Variants in DOK6 observed in about 807,000 individuals in gnomAD.
DOK6 encodes downstream of tyrosine kinase 6.
Under a neutral mutation model 44.0 loss-of-function variants are expected in DOK6, and 22 were observed. That is an observed-to-expected ratio of 0.50 (90% CI 0.36 to 0.71). DOK6 has a LOEUF of 0.71. Among genes scored for constraint, DOK6 ranks in the 30% least tolerant of loss-of-function variants. DOK6 has a pLI of 0.00. For missense variants in DOK6, 340 were observed against 416.4 expected, an observed-to-expected ratio of 0.82 and a Z score of 1.60; for synonymous variants, 166 against 145.5, an observed-to-expected ratio of 1.14 and a Z score of -1.01.
At chr18:69,787,319 T>C (rs1980461977) in intron 7 of DOK6, among the ~76,000 whole-genome samples, 1 of 152,192 alleles carries the variant, frequency 6.6e-6, no homozygotes, top group South Asian at 2.1e-4. Context: ...GTCATAATTA[T>C]GTGTCTTTGT....
intron 7 of DOK6, among the ~76,000 whole-genome samples, chr18:69,767,605 C>T (rs771276379): frequency 2.0e-5 from 3 of 152,126 alleles, no homozygotes; most frequent in Admixed American, 1.3e-4. Flanking sequence ...CCTCCCACCC[C>T]AAATCAGTTC....
chr18:69,824,965 T>A (rs1981698082), intron 7 of DOK6, among the ~76,000 whole-genome samples: 1 of 152,244 alleles, frequency 6.6e-6, no homozygotes, highest in Non-Finnish European at 1.5e-5. Context: ...CAATTCAAAC[T>A]ATTTTTCTAA....
intron 7 of DOK6, among the ~76,000 whole-genome samples, chr18:69,767,806 T>C (rs1339025065): frequency 6.6e-6 from 1 of 152,200 alleles, no homozygotes; most frequent in Non-Finnish European, 1.5e-5. Flanking sequence ...AATTGAATTC[T>C]TCTGCATCAC....
chr18:69,830,774 A>G (rs1457901057), intron 7 of DOK6, among the ~76,000 whole-genome samples: 1 of 152,200 alleles, frequency 6.6e-6, no homozygotes, highest in Non-Finnish European at 1.5e-5. Context: ...CTGAAGCTGT[A>G]CTGTATCCTA....
intron 7 of DOK6, among the ~76,000 whole-genome samples, chr18:69,818,687 A>C (rs1194751936): frequency 6.6e-6 from 1 of 152,250 alleles, no homozygotes; most frequent in Non-Finnish European, 1.5e-5. Context: ...CTGGGGCTGT[A>C]GCCTAGCTAT....
intron 2 of DOK6, among the ~76,000 whole-genome samples, chr18:69,578,984 A>C (rs1476202111): frequency 6.6e-6 from 1 of 152,194 alleles, no homozygotes; most frequent in Admixed American, 6.5e-5. Context: ...TTTAGTAAAA[A>C]ACAACAGTAC....
chr18:69,723,378 G>T (rs117550075), intron 5 of DOK6, among the ~76,000 whole-genome samples: 33 of 152,314 alleles, frequency 2.2e-4, no homozygotes, highest in African/African-American at 7.9e-4. Context: ...GTTGGTGAAA[G>T]CACAGGCAGA....
chr18:69,823,173 C>T (rs1981627039), intron 7 of DOK6, among the ~76,000 whole-genome samples: 2 of 152,102 alleles, frequency 1.3e-5, no homozygotes, highest in South Asian at 4.1e-4. Flanking sequence ...CTGCTGTGTG[C>T]CTGGCATTTC....
chr18:69,739,268 T>C, intron 6 of DOK6, 165 bp downstream of exon 6: 1 of 870,660 alleles, frequency 1.1e-6, no homozygotes, highest in Non-Finnish European at 1.6e-6. Flanking sequence ...TCCTATTCAA[T>C]ATGTCAAAAA....
intron 7 of DOK6, among the ~76,000 whole-genome samples, chr18:69,807,916 T>C (rs1981102904): frequency 6.6e-6 from 1 of 151,824 alleles, no homozygotes; most frequent in Non-Finnish European, 1.5e-5. Flanking sequence ...AAGGAAACAT[T>C]GGACTTAAAC....
intron 7 of DOK6, among the ~76,000 whole-genome samples, chr18:69,837,828 T>G (rs1982095280): frequency 6.6e-6 from 1 of 152,200 alleles, no homozygotes; most frequent in African/African-American, 2.4e-5. Flanking sequence ...TATTTGTGAT[T>G]ATTGAAGTGA....
intron 7 of DOK6, among the ~76,000 whole-genome samples, chr18:69,812,988 A>G (rs1386156917): frequency 6.6e-6 from 1 of 152,150 alleles, no homozygotes; most frequent in South Asian, 2.1e-4. Flanking sequence ...AAGCCTAACC[A>G]TATGAACGTG....
intron 1 of DOK6, among the ~76,000 whole-genome samples, chr18:69,427,868 C>T (rs1249038465): frequency 6.6e-6 from 1 of 151,810 alleles, no homozygotes; most frequent in Non-Finnish European, 1.5e-5. Context: ...ACCTCAGCCT[C>T]CTGGGTTCAA....
At chr18:69,699,052 C>A (rs1986454068) in intron 5 of DOK6, among the ~76,000 whole-genome samples, 1 of 152,026 alleles carries the variant, frequency 6.6e-6, no homozygotes, top group Non-Finnish European at 1.5e-5. Flanking sequence ...AAATATACTG[C>A]TTTCTTGATC....
chr18:69,519,694 G>A (rs188477567), intron 1 of DOK6, among the ~76,000 whole-genome samples: 1 of 151,842 alleles, frequency 6.6e-6, no homozygotes, highest in Non-Finnish European at 1.5e-5. Flanking sequence ...CAGTTTTACT[G>A]TCCTGAATCT....
Position 69,523,082 on chromosome 18 carries a change from C to G in DOK6, c.67-41405C>G, listed in dbSNP as rs555849853. Reference sequence around the variant, plus strand: ...GATTTTCTAGGCTTCGCCAGGGGAACTTTGGTGTTATCGGAAATGTGTAAT... The same window carrying G: ...GATTTTCTAGGCTTCGCCAGGGGAAGTTTGGTGTTATCGGAAATGTGTAAT... On this transcript the variant is annotated intron_variant, in intron 1 of 7. Transcript: ENST00000382713. Among the ~76,000 whole-genome samples the G allele has an allele frequency of 7.9e-5, 12 of 152,176 alleles. No homozygotes were observed. The East Asian group carries it at 2.3e-3, about 29-fold the overall frequency.
intron 1 of DOK6, among the ~76,000 whole-genome samples, chr18:69,421,388 A>G (rs1030889745): frequency 8.5e-5 from 13 of 152,146 alleles, no homozygotes; most frequent in Non-Finnish European, 2.9e-5. Flanking sequence ...GCAGACAAAG[A>G]ACTTTGGAAA....
chr18:69,452,732 C>A (rs1399588902), intron 1 of DOK6, among the ~76,000 whole-genome samples: 1 of 145,626 alleles, frequency 6.9e-6, no homozygotes, highest in Non-Finnish European at 1.5e-5. Flanking sequence ...GGGCTTCATC[C>A]CTGGGATGCA....
chr18:69,473,950 T>A lies in DOK6; in HGVS notation c.66+72640T>A, dbSNP rs772620239. ...ATTGGAAGTGCACACCTTTCCCCCA[T>A]GCACCCAAGCTTTTAGGACTCTGAA... On this transcript the variant is annotated intron_variant, in intron 1 of 7. Transcript: ENST00000382713. Among the ~76,000 whole-genome samples the A allele has an allele frequency of 2.0e-5, 3 of 148,844 alleles. No homozygotes were observed. In the East Asian group the frequency reaches 5.8e-4, roughly 29 times the overall value.
Sources: allele counts gnomAD v4.1 joint callset (sites outside exome capture counted in the v4.1 genomes callset), GRCh38; gene constraint gnomAD v4.1.1; transcripts MANE v1.5; gene names NCBI Gene and HGNC (gene_info 2026-07-23, HGNC 2026-07-21).